Variants in LIG4 observed in about 807,000 individuals in gnomAD.
LIG4 encodes DNA joinase.
LIG4 carries 13 observed loss-of-function variants against 19.0 expected under a neutral mutation model. The ratio of observed to expected loss-of-function variants is 0.68; its 90% CI spans 0.44 to 1.09. LIG4 has a LOEUF of 1.09. Among genes scored for constraint, LIG4 ranks in the 50% least tolerant of loss-of-function variants. The pLI is 0.00. For synonymous variants in LIG4, 361 were observed against 358.2 expected (o/e 1.01, Z -0.09); for missense variants, 1,026 against 1,089.7 (o/e 0.94, Z 0.82).
At chr13:108,214,776 G>T (rs1879052040) in intron 1 of LIG4, 166 bp from the exon 2 acceptor site, 1 of 152,248 alleles carries the variant, frequency 6.6e-6, no homozygotes, top group Admixed American at 6.6e-5. Context: ...AGTCTACAGC[G>T]CTGTGGACTC....
chr13:108,212,348 C>T (rs1006645682), intron 2 of LIG4, among the ~76,000 whole-genome samples: 1 of 151,928 alleles, frequency 6.6e-6, no homozygotes, highest in African/African-American at 2.4e-5. Context: ...ATAATGGGTA[C>T]CTTGCTAAGC....
chr13:108,215,363 G>C (rs1879173486), intron 1 of LIG4, 121 bp downstream of exon 1: 1 of 54,870 alleles, frequency 1.8e-5, no homozygotes, highest in Non-Finnish European at 3.8e-5. Context: ...CTCGCCGCCT[G>C]CTGGACCACA....
chr13:108,208,294 T>C lies in LIG4; in HGVS notation c.*239A>G, dbSNP rs1408167195. On this transcript the variant is annotated 3_prime_UTR_variant, in exon 3 of 3. Coordinates refer to ENST00000442234, the MANE Select transcript of LIG4 (RefSeq NM_206937.2). ...AACACCTCTTCTTTAGACTGTTTAT[T>C]TCACCTTGATCATAAAAAATCATTG... 2 of 420,188 alleles carry C rather than the reference T, an allele frequency of 4.8e-6. No individual in the cohort carries two copies. The highest frequency in any genetic ancestry group is 4.0e-5 in the African/African-American group (2 of 49,414). The allele number at this position is 420,188 out of a possible 1,614,324, so 26.0% of individuals were successfully genotyped here. A position where few individuals can be genotyped will look rare whatever the true frequency, so the allele number is the denominator to read the frequency against.
Position 108,210,769 on chromosome 13 carries a change from A to G in LIG4, c.500T>C (p.Ile167Thr), listed in dbSNP as rs138021217. ...SNNSAKRKDL[I>T]KKSLLQLITQ... Reference sequence around the variant, plus strand: ...TATAAGTTGAAGAAGGCTCTTTTTTATTAGGTCTTTTCTTTTAGCAGAATT... The same window carrying G: ...TATAAGTTGAAGAAGGCTCTTTTTTGTTAGGTCTTTTCTTTTAGCAGAATT... Residue 167 changes from isoleucine (I) to threonine (T), a missense_variant, in exon 3 of 3, where the codon ATA (isoleucine) becomes ACA (threonine). Coordinates refer to ENST00000442234, the MANE Select transcript of LIG4 (RefSeq NM_206937.2). 7 of 1,613,876 alleles carry G rather than the reference A, an allele frequency of 4.3e-6. No homozygotes were observed. Among genetic ancestry groups the G allele is most frequent in the Non-Finnish European group, 5.9e-6 (7 of 1,179,956 alleles).
At chr13:108,217,548 G>T (rs1450377457), upstream of LIG4, among the ~76,000 whole-genome samples, 2 of 150,486 alleles carry the variant, frequency 1.3e-5, no homozygotes, top group African/African-American at 4.9e-5. Context: ...AAAACAAAAA[G>T]TAGCGGGGCG....
rs553889301 is a variant in LIG4, at chr13:108,215,469, C to G, written c.-102+15G>C. ...CTCCCAACCGCCCCCACCTGCCACC[C>G]CACACCCTTCCCACCTGACGTCAAG... On this transcript the variant is annotated intron_variant, in intron 1 of 2. Coordinates refer to ENST00000442234, the MANE Select transcript of LIG4 (RefSeq NM_206937.2). 1.1e-4 allele frequency: 14 copies of G among 121,954 alleles called. No individual in the cohort carries two copies. The highest frequency in any genetic ancestry group is 3.8e-4 in the African/African-American group (12 of 31,816). The allele number at this position is 121,954 out of a possible 1,614,324, so 7.6% of individuals were successfully genotyped here.
chr13:108,212,995 T>A (rs1228179547), intron 2 of LIG4, among the ~76,000 whole-genome samples: 2 of 152,142 alleles, frequency 1.3e-5, no homozygotes, highest in African/African-American at 4.8e-5. Context: ...CTGACTGCCC[T>A]GGCAATGGTT....
rs758274439 is a variant in LIG4, at chr13:108,209,518, A to G, written c.1751T>C (p.Ile584Thr). 2.5e-6 allele frequency: 4 copies of G among 1,614,116 alleles called. No individual in the cohort carries two copies. The Admixed American group carries it at 6.7e-5, about 27-fold the overall frequency. Reference sequence around the variant, plus strand: ...CTCATGCCACTCCTTGTCATCTCTTATCTTTTCAATTCGTGGAAAACGCAA... The same window carrying G: ...CTCATGCCACTCCTTGTCATCTCTTGTCTTTTCAATTCGTGGAAAACGCAA... ...CTLRFPRIEK[I>T]RDDKEWHECM... is the part of the protein sequence containing the mutation. Residue 584 changes from isoleucine to threonine, a missense_variant, in exon 3 of 3, where the codon ATA becomes ACA. By Grantham distance (89) the Ile-to-Thr change is moderately conservative. This residue lies in a region of LIG4 where 521 missense variants were observed against 515.5 expected (regional missense o/e 1.01). Transcript: ENST00000442234.
In LIG4 at chr13:108,210,552, A is replaced by G; in HGVS notation, c.717T>C (p.Ser239=). 2.5e-6 allele frequency: 4 copies of G among 1,612,770 alleles called. No homozygotes were observed. The highest frequency in any genetic ancestry group is 3.4e-6 in the Non-Finnish European group (4 of 1,179,922). The change falls in exon 3 of 3, where the codon TCT becomes TCC. Residue 239 remains serine, a synonymous_variant. Coordinates refer to ENST00000442234, the MANE Select transcript of LIG4 (RefSeq NM_206937.2). ...GTTTAAATGCAGAAAATAAAGTGAT[A>G]GAAATATCACTGAGTCCTACAGAAG... The part of the protein sequence containing the change: ...HDPSVGLSDI[S]ITLFSAFKPM...
Position 108,208,367 on chromosome 13 carries a change from C to G in LIG4, c.*166G>C, listed in dbSNP as rs538355612. Reference sequence around the variant, plus strand: ...TTCTTTCTTGGCTTTGGGCTATTGTCTTTTCAACCTTAAAAGTTAAAATTA... The same window carrying G: ...TTCTTTCTTGGCTTTGGGCTATTGTGTTTTCAACCTTAAAAGTTAAAATTA... On this transcript the variant is annotated 3_prime_UTR_variant, in exon 3 of 3. Coordinates refer to ENST00000442234, the MANE Select transcript of LIG4 (RefSeq NM_206937.2). 253 of 583,168 alleles carry G rather than the reference C, an allele frequency of 4.3e-4. 1 individual carries two copies. The highest frequency in any genetic ancestry group is 1.3e-3 in the Admixed American group (41 of 30,912). 36.1% of individuals were successfully genotyped at this position (583,168 alleles called of 1,614,324 possible).
rs751434618 is a variant in LIG4, at chr13:108,210,948, G to A, written c.321C>T (p.Leu107=). The A allele has an allele frequency of 1.9e-6, 3 of 1,613,608 alleles. No homozygotes were observed. The highest frequency in any genetic ancestry group is 1.6e-4 in the Middle Eastern group (1 of 6,082). ...LNLPRDGKDA[L]KLLNYRTPTG... is the part of the protein sequence containing the mutation. ...TGGGTGTTCTGTAGTTTAAAAGTTT[G>A]AGGGCATCTTTTCCATCTCTAGGTA... Residue 107 remains leucine, a synonymous_variant, in exon 3 of 3, where the codon CTC becomes CTT. Transcript: ENST00000442234.
upstream of LIG4, among the ~76,000 whole-genome samples, chr13:108,215,745 T>C (rs1191096747): frequency 2.0e-5 from 3 of 151,594 alleles, no homozygotes; most frequent in African/African-American, 7.3e-5. Context: ...AGATGCTCTC[T>C]GCAAGCAGTT....
rs1405383641 is a variant in LIG4, at chr13:108,207,772, C to CT, written c.*760dup. The CT allele has an allele frequency of 2.0e-5, 3 of 152,208 alleles. No individual in the cohort carries two copies. The highest frequency in any genetic ancestry group is 4.1e-4 in the South Asian group (2 of 4,826). The allele number at this position is 152,208 out of a possible 1,614,324, so 9.4% of individuals were successfully genotyped here. A position where few individuals can be genotyped will look rare whatever the true frequency, so the allele number is the denominator to read the frequency against. On this transcript the variant is annotated 3_prime_UTR_variant, in exon 3 of 3. Transcript: ENST00000442234. ...TTCAATAGATAAAATCTAGGAAAAT[C>CT]TTTTTTGTGAATACTATTTATACTG... is the stretch of plus-strand genomic sequence containing the variant.
Position 108,208,777 on chromosome 13 carries a change from G to A in LIG4, c.2492C>T (p.Thr831Ile), listed in dbSNP as rs199526538. Residue 831 changes from threonine (T) to isoleucine (I), a missense_variant, in exon 3 of 3, where the codon ACC (threonine) becomes ATC (isoleucine). By Grantham distance (89) the Thr-to-Ile change is moderately conservative. This residue lies in a region of LIG4 where 521 missense variants were observed against 515.5 expected (regional missense o/e 1.01). Coordinates refer to ENST00000442234, the MANE Select transcript of LIG4 (RefSeq NM_206937.2). ...DSYAVINDLSTKNEGTRLAIK... is the reference protein window; with the variant it reads ...DSYAVINDLSIKNEGTRLAIK... ...AGCTAACCTTGTCCCCTCATTTTTG[G>A]TACTCAGGTCATTAATAACAGCATA... 1 of 1,614,048 alleles carries A rather than the reference G, an allele frequency of 6.2e-7. No homozygotes were observed. The highest frequency in any genetic ancestry group is 2.2e-5 in the East Asian group (1 of 44,874).
At chr13:108,218,324 G>C (rs1037313367), upstream of LIG4, 1 of 152,312 alleles carries the variant, frequency 6.6e-6, no homozygotes, top group Non-Finnish European at 1.5e-5. Context: ...CCACGCCGCC[G>C]AGGTATCTTT....
upstream of LIG4, among the ~76,000 whole-genome samples, chr13:108,217,303 G>A (rs147624069): frequency 0.02 from 3,063 of 152,322 alleles, 92 homozygotes; most frequent in African/African-American, 0.071. Flanking sequence ...ATCACCAGAG[G>A]TGGGGAGTTT....
At chr13:108,217,925 C>T (rs1879394516), upstream of LIG4, among the ~76,000 whole-genome samples, 1 of 152,072 alleles carries the variant, frequency 6.6e-6, no homozygotes, top group African/African-American at 2.4e-5. Context: ...ACGAGGTGTT[C>T]CCATGGTCGT....
At position 108,210,038 on chromosome 13, in the gene LIG4, T is replaced by C. The variant is rs753182650; in HGVS notation, c.1231A>G (p.Lys411Glu). The change falls in exon 3 of 3, where the codon AAG becomes GAG. Residue 411 changes from lysine to glutamate, a missense_variant. Around this residue, in one of 3 missense-constraint regions of LIG4, gnomAD observed 493 missense variants for 544.5 expected, o/e 0.91. Coordinates refer to ENST00000442234, the MANE Select transcript of LIG4 (RefSeq NM_206937.2). The part of the protein sequence containing the change: ...EIVQKTQAHT[K>E]NEVIDALNEA... ...TTCAATGCATCAATTACTTCATTCT[T>C]AGTATGAGCTTGTGTTTTCTGCACT... 5 of 1,612,284 alleles carry C rather than the reference T, an allele frequency of 3.1e-6. No homozygotes were observed. Among genetic ancestry groups the C allele is most frequent in the African/African-American group, 1.3e-5 (1 of 74,936 alleles).
At chr13:108,214,900 T>C (rs1371853506) in intron 1 of LIG4, 1 of 44,824 alleles carries the variant, frequency 2.2e-5, no homozygotes, top group Non-Finnish European at 4.1e-5. Context: ...GCCCCCCGCC[T>C]GACGTCCCAG....
Sources: allele counts gnomAD v4.1 joint callset (sites outside exome capture counted in the v4.1 genomes callset), GRCh38; gene constraint gnomAD v4.1.1; regional missense constraint gnomAD v4.1.1; transcripts MANE v1.5; gene names NCBI Gene and HGNC (gene_info 2026-07-23, HGNC 2026-07-21).